PCDHGA2: variants seen among roughly 807,000 people sequenced by gnomAD.
PCDHGA2 encodes the protein protocadherin gamma-A2.
In PCDHGA2, 40 loss-of-function variants were observed where a neutral mutation model predicts 59.2. That is an observed-to-expected ratio of 0.68 (90% CI 0.52 to 0.88). PCDHGA2 has a LOEUF of 0.88. PCDHGA2 is among the 40% of genes least tolerant of loss of function. The pLI, the probability that PCDHGA2 is intolerant of heterozygous loss-of-function variation, is 0.00. For synonymous variants in PCDHGA2, 560 were observed against 526.0 expected (o/e 1.06, Z -0.89); for missense variants, 1,226 against 1,204.0 (o/e 1.02, Z -0.27).
intron 1 of PCDHGA2, chr5:141,399,855 C>A (rs773247537): frequency 2.5e-6 from 4 of 1,612,892 alleles, no homozygotes; most frequent in Non-Finnish European, 2.5e-6. Context: ...TGGTGCCGCG[C>A]GCTGCAGAGC....
chr5:141,395,013 G>A, intron 1 of PCDHGA2: 2 of 1,614,064 alleles, frequency 1.2e-6, no homozygotes, highest in South Asian at 1.1e-5. Flanking sequence ...CAGATTGGTA[G>A]GCGTGCCTGC....
chr5:141,433,038 C>A, intron 1 of PCDHGA2: 3 of 1,614,180 alleles, frequency 1.9e-6, no homozygotes, highest in Non-Finnish European at 2.5e-6. Flanking sequence ...GTTTCCCTCA[C>A]CACGGACTCG....
chr5:141,348,007 G>C (rs529602775), intron 1 of PCDHGA2, among the ~76,000 whole-genome samples: 1 of 152,300 alleles, frequency 6.6e-6, no homozygotes, highest in Non-Finnish European at 1.5e-5. Flanking sequence ...AGCCTCTGCG[G>C]GAGATTTCCA....
Position 141,485,436 on chromosome 5 carries a change from A to G in PCDHGA2, c.2425-9371A>G, listed in dbSNP as rs2099613369. On this transcript the variant is annotated intron_variant, in intron 1 of 3. Transcript: ENST00000394576. This position sits in a 1 kb window ranked among gnomAD's most constrained non-coding sequence, Gnocchi z 5.7. ...GACAGCGGAGCCCTGCTCATCAAGA[A>G]CCCAATCGACCGAGAGGCACTGTGT... 1.9e-6 allele frequency: 3 copies of G among 1,614,092 alleles called. No individual in the cohort carries two copies. The highest frequency in any genetic ancestry group is 2.7e-5 in the African/African-American group (2 of 74,934).
chr5:141,360,023 A>C, intron 1 of PCDHGA2: 1 of 1,309,494 alleles, frequency 7.6e-7, no homozygotes, highest in Non-Finnish European at 1.0e-6. Context: ...AGAGAAGGCC[A>C]GTATAGATTC....
At chr5:141,384,943 G>T in intron 1 of PCDHGA2, 1 of 1,613,996 alleles carries the variant, frequency 6.2e-7, no homozygotes, top group Non-Finnish European at 8.5e-7. Flanking sequence ...TGAGCCCTCC[G>T]ACGGTCCTTA....
chr5:141,482,220 G>T (rs945741591), intron 1 of PCDHGA2, among the ~76,000 whole-genome samples: 8 of 152,148 alleles, frequency 5.3e-5, no homozygotes, highest in African/African-American at 1.9e-4. Flanking sequence ...ACTTGTTTTG[G>T]TGTGAAATTG....
intron 1 of PCDHGA2, chr5:141,357,431 A>T: frequency 6.2e-7 from 1 of 1,614,198 alleles, no homozygotes; most frequent in Non-Finnish European, 8.5e-7. Context: ...GTGGGCGTGG[A>T]CGGGGTTCGG....
chr5:141,395,813 A>G (rs1201631661), intron 1 of PCDHGA2: 2 of 152,062 alleles, frequency 1.3e-5, no homozygotes, highest in East Asian at 3.9e-4. Context: ...CAAAACATGA[A>G]CAAACTTTAA....
At position 141,382,776 on chromosome 5, in the gene PCDHGA2, A is replaced by T. The variant is rs572614689; in HGVS notation, c.2424+41381A>T. 1.1e-5 allele frequency: 9 copies of T among 809,964 alleles called. No homozygotes were observed. In the South Asian group the frequency reaches 1.8e-4, roughly 17 times the overall value. The allele number at this position is 809,964 out of a possible 1,614,324, so 50.2% of individuals were successfully genotyped here. A position where few individuals can be genotyped will look rare whatever the true frequency, so the allele number is the denominator to read the frequency against. On this transcript the variant is annotated intron_variant, in intron 1 of 3. Coordinates refer to ENST00000394576, the MANE Select transcript of PCDHGA2 (RefSeq NM_018915.4). Reference sequence around the variant, plus strand: ...TAAGCCCTCTTCCAGGCTGCACTAAACTCAAGCCTCTATCCTGCTGGATTC... The same window carrying T: ...TAAGCCCTCTTCCAGGCTGCACTAATCTCAAGCCTCTATCCTGCTGGATTC...
At chr5:141,385,294 G>C (rs1781091106) in intron 1 of PCDHGA2, 2 of 1,613,150 alleles carry the variant, frequency 1.2e-6, no homozygotes, top group Non-Finnish European at 1.7e-6. Context: ...AGATTTTCAG[G>C]AATGTAAAGA....
chr5:141,436,080 T>C (rs755968267), intron 1 of PCDHGA2, among the ~76,000 whole-genome samples: 1 of 152,204 alleles, frequency 6.6e-6, no homozygotes, highest in Admixed American at 6.5e-5. Context: ...CAGTGTTCTA[T>C]AGGTAATATT....
At chr5:141,399,653 TG>T in intron 1 of PCDHGA2, 1 of 1,613,606 alleles carries the variant, frequency 6.2e-7, no homozygotes, top group Non-Finnish European at 8.5e-7. Flanking sequence ...CAAAGTGGGG[TG>T]GTGTTCGCGC....
At chr5:141,365,228 G>C in intron 1 of PCDHGA2, 1 of 1,613,942 alleles carries the variant, frequency 6.2e-7, no homozygotes, top group Non-Finnish European at 8.5e-7. Flanking sequence ...CAACCTGGGG[G>C]AAATCTCAAC....
rs372676262 is a variant in PCDHGA2 at position 141,404,832 on chromosome 5, G to A, written c.2424+63437G>A. On this transcript the variant is annotated intron_variant, in intron 1 of 3. Coordinates refer to ENST00000394576, the MANE Select transcript of PCDHGA2 (RefSeq NM_018915.4). ...GTGGGGCTGCACACAGGTGAAGTGCGCACAGCTCGGGCCCTGCTAGATAGA... is the reference window on the plus strand; with the variant it reads ...GTGGGGCTGCACACAGGTGAAGTGCACACAGCTCGGGCCCTGCTAGATAGA... 34 of 1,613,864 alleles carry A rather than the reference G, an allele frequency of 2.1e-5. No individual in the cohort carries two copies. Among genetic ancestry groups the A allele is most frequent in the Middle Eastern group, 1.6e-4 (1 of 6,062 alleles).
intron 1 of PCDHGA2, chr5:141,403,457 A>G: frequency 6.2e-7 from 1 of 1,613,982 alleles, no homozygotes; most frequent in Non-Finnish European, 8.5e-7. Context: ...CTCCCTCCAG[A>G]GCTACCAGCT....
At chr5:141,464,748 T>C (rs995568259) in intron 1 of PCDHGA2, among the ~76,000 whole-genome samples, 2 of 152,190 alleles carry the variant, frequency 1.3e-5, no homozygotes, top group Admixed American at 1.3e-4. Context: ...TATCTTTTTG[T>C]TTTTTTAGAG....
At chr5:141,374,794 C>G (rs369215509) in intron 1 of PCDHGA2, 6 of 1,613,916 alleles carry the variant, frequency 3.7e-6, no homozygotes, top group Non-Finnish European at 5.1e-6. Flanking sequence ...ATGTGAATGA[C>G]AACACTCCAA....
chr5:141,400,163 A>G, intron 1 of PCDHGA2: 1 of 1,613,830 alleles, frequency 6.2e-7, no homozygotes, highest in Non-Finnish European at 8.5e-7. Flanking sequence ...GTACCCTCTG[A>G]CCCCCAGGCT....
Sources: gnomAD v4.1 joint callset for allele counts (sites outside exome capture counted in the v4.1 genomes callset) on GRCh38, gnomAD v4.1.1 for gene constraint, Gnocchi (gnomAD v3.1) non-coding constraint, MANE v1.5 for transcripts, NCBI Gene and HGNC (gene_info 2026-07-23, HGNC 2026-07-21) for gene names.